The following RIMBP2 variants were observed in gnomAD, a reference collection of about 807,000 sequenced individuals.
The protein encoded by RIMBP2 is RIMS binding protein 2, also known as RIMS-binding protein 2.
Under a neutral mutation model 118.6 loss-of-function variants are expected in RIMBP2, and 48 were observed. The observed-to-expected ratio is 0.40, with a 90% confidence interval of 0.32 to 0.51. The LOEUF (loss-of-function observed/expected upper bound fraction) is 0.51. Ranked by LOEUF, RIMBP2 falls within the 20% of genes least tolerant of loss-of-function variation. RIMBP2 has a pLI of 0.41. For missense variants in RIMBP2, 1,551 were observed against 1,768.3 expected, an observed-to-expected ratio of 0.88 and a Z score of 2.20; for synonymous variants, 762 against 742.9, an observed-to-expected ratio of 1.03 and a Z score of -0.42.
intron 1 of RIMBP2, among the ~76,000 whole-genome samples, chr12:130,689,382 A>C (rs1299583156): frequency 6.6e-6 from 1 of 152,220 alleles, no homozygotes; most frequent in Non-Finnish European, 1.5e-5. Flanking sequence ...ACAGTGAGCC[A>C]AGATCGCTCC....
chr12:130,696,397 T>A (rs1306129890), intron 1 of RIMBP2, among the ~76,000 whole-genome samples: 1 of 152,212 alleles, frequency 6.6e-6, no homozygotes, highest in Non-Finnish European at 1.5e-5. Flanking sequence ...TCCCTCAAGT[T>A]TGATCTAATA....
In RIMBP2 at chr12:130,409,332, C is replaced by CTTTTTTT. The variant is rs35015661; in HGVS notation, c.3590-1510_3590-1504dup. On this transcript the variant is annotated intron_variant, in intron 19 of 22. Transcript: ENST00000690449. Reference sequence around the variant, plus strand: ...TAAAAGGGACTCATACAAAATGTAGCTTTTTTTTTTTTTTTTTTTTTTTTT... The same window carrying CTTTTTTT: ...TAAAAGGGACTCATACAAAATGTAGCTTTTTTTTTTTTTTTTTTTTTTTTTTTTTTTT... 2.1e-4 allele frequency among the ~76,000 whole-genome samples: 14 copies of CTTTTTTT among 65,402 alleles called. 1 individual carries two copies. Among genetic ancestry groups the CTTTTTTT allele is most frequent in the Non-Finnish European group, 2.9e-4 (10 of 34,632 alleles). 42.9% of individuals were successfully genotyped at this position (65,402 alleles called of 152,430 possible). A position where few individuals can be genotyped will look rare whatever the true frequency, so the allele number is the denominator to read the frequency against.
intron 1 of RIMBP2, among the ~76,000 whole-genome samples, chr12:130,685,838 A>T (rs577976282): frequency 1.3e-4 from 20 of 152,242 alleles, no homozygotes; most frequent in Admixed American, 1.2e-3. Context: ...GCCTTCTCAG[A>T]GATGAGCTGA....
chr12:130,613,453 A>G (rs541467983), intron 2 of RIMBP2, among the ~76,000 whole-genome samples: 10 of 152,286 alleles, frequency 6.6e-5, no homozygotes, highest in Admixed American at 3.9e-4. Context: ...ACAGCACAGA[A>G]GGAGGTAGAG....
chr12:130,440,128 C>CCAAGACCATGGGGGGATGATACATGGGG (rs1206126908), intron 11 of RIMBP2, among the ~76,000 whole-genome samples: 1 of 139,090 alleles, frequency 7.2e-6, no homozygotes. Context: ...CTGGCCGTAC[C>CCAAGACCATGGGGGGATGATACATGGGG]TGCACCACCG....
chr12:130,652,977 C>G (rs2063290094), intron 1 of RIMBP2, among the ~76,000 whole-genome samples: 1 of 152,126 alleles, frequency 6.6e-6, no homozygotes, highest in African/African-American at 2.4e-5. Flanking sequence ...CCCACAAGGC[C>G]CCTTCCCAAC....
In RIMBP2 at chr12:130,446,669, C is replaced by A. The variant is rs147825405; in HGVS notation, c.582-1400G>T. 7.7e-3 allele frequency among the ~76,000 whole-genome samples: 1,166 copies of A among 152,282 alleles called. 13 individuals carry two copies. Among genetic ancestry groups the A allele is most frequent in the African/African-American group, 0.026 (1,086 of 41,554 alleles). ...GAGCTCTGGAAGAAGGAATAGCATG[C>A]GCCAAGGCCCAGAGGCAGGGAGGAG... is the stretch of plus-strand genomic sequence containing the variant. On this transcript the variant is annotated intron_variant, in intron 9 of 22. Transcript: ENST00000690449. The surrounding 1 kb of genome is among the most constrained non-coding windows in gnomAD (Gnocchi z 4.1).
In RIMBP2 at chr12:130,628,363, G is replaced by A. The variant is rs2061772932; in HGVS notation, c.-258C>T. On this transcript the variant is annotated 5_prime_UTR_variant, in exon 2 of 23. Transcript: ENST00000690449. ...TGAGTTCCTGGTCTCAGGAGAGGAA[G>A]TGGGAAATTTCCCCAGCGGTCTCCC... 1 of 152,228 alleles carries A rather than the reference G, an allele frequency of 6.6e-6. No homozygotes were observed. The highest frequency in any genetic ancestry group is 2.1e-4 in the South Asian group (1 of 4,824). The allele number at this position is 152,228 out of a possible 1,614,324, so 9.4% of individuals were successfully genotyped here. A position where few individuals can be genotyped will look rare whatever the true frequency, so the allele number is the denominator to read the frequency against.
In RIMBP2 at chr12:130,612,576, G is replaced by C. The variant is rs146720535; in HGVS notation, c.-217+15746C>G. On this transcript the variant is annotated intron_variant, in intron 2 of 22. Coordinates refer to ENST00000690449, the MANE Select transcript of RIMBP2 (RefSeq NM_001393629.1). The stretch of plus-strand genomic sequence containing the variant: ...TAAGAGAGCACATTATGGGAAAATG[G>C]TGTTTTTTAAAATAATTAAAACACC... Among the ~76,000 whole-genome samples the C allele has an allele frequency of 8.3e-4, 127 of 152,304 alleles. No homozygotes were observed. In the Middle Eastern group the frequency reaches 0.027, roughly 33 times the overall value.
Position 130,399,057 on chromosome 12 carries a change from G to T in RIMBP2, c.3900+622C>A, listed in dbSNP as rs1176650428. ...ATGAAGCCTTAAGTCTACCACACTG[G>T]CCCGGTTAAGGTAGCTTAAGTTGGT... On this transcript the variant is annotated intron_variant, in intron 22 of 22. Coordinates refer to ENST00000690449, the MANE Select transcript of RIMBP2 (RefSeq NM_001393629.1). 7.7e-6 allele frequency: 7 copies of T among 909,902 alleles called. No individual in the cohort carries two copies. In the Admixed American group the frequency reaches 1.8e-4, roughly 23 times the overall value. 56.4% of individuals were successfully genotyped at this position (909,902 alleles called of 1,614,324 possible).
rs2077408070 is a variant in RIMBP2, at chr12:130,434,993, A to C, written c.2107-113T>G. On this transcript the variant is annotated intron_variant, in intron 13 of 22. Coordinates refer to ENST00000690449, the MANE Select transcript of RIMBP2 (RefSeq NM_001393629.1). The surrounding 1 kb of genome is among the most constrained non-coding windows in gnomAD (Gnocchi z 5.7). ...CTCAGAGCCTGGCCAGGCACCCCCC[A>C]CACAGTGCTTTGGGCCCAGCTCTGC... 19 of 1,109,212 alleles carry C rather than the reference A, an allele frequency of 1.7e-5. No individual in the cohort carries two copies. The highest frequency in any genetic ancestry group is 5.0e-5 in the Admixed American group (2 of 40,286). The allele number at this position is 1,109,212 out of a possible 1,614,324, so 68.7% of individuals were successfully genotyped here. A position where few individuals can be genotyped will look rare whatever the true frequency, so the allele number is the denominator to read the frequency against.
chr12:130,646,647 T>C (rs530448989), intron 1 of RIMBP2, among the ~76,000 whole-genome samples: 65 of 152,306 alleles, frequency 4.3e-4, no homozygotes, highest in African/African-American at 1.5e-3. Flanking sequence ...GCTTCAAATT[T>C]ACCCCATTGT....
chr12:130,675,537 CCACCCCCA>C (rs1490931779), intron 1 of RIMBP2, among the ~76,000 whole-genome samples: 137 of 594 alleles, frequency 0.23, no homozygotes, highest in African/African-American at 0.3. Context: ...TCCCTTCCGT[CCACCCCCA>C]TGCCTCCAGG....
chr12:130,690,259 G>A (rs967810894), intron 1 of RIMBP2, among the ~76,000 whole-genome samples: 3 of 152,222 alleles, frequency 2.0e-5, no homozygotes, highest in South Asian at 4.1e-4. Context: ...CTGGGGGTGG[G>A]GATCATGGAC....
intron 2 of RIMBP2, among the ~76,000 whole-genome samples, chr12:130,561,126 A>G (rs1293396492): frequency 6.6e-6 from 1 of 152,162 alleles, no homozygotes; most frequent in African/African-American, 2.4e-5. Context: ...AAATCACCAG[A>G]AGACAGGAGA....
chr12:130,455,034 G>A (rs546976734), intron 7 of RIMBP2, among the ~76,000 whole-genome samples: 1 of 152,354 alleles, frequency 6.6e-6, no homozygotes, highest in East Asian at 1.9e-4. Flanking sequence ...GAGCTTCGGT[G>A]GGCACGGTGC....
chr12:130,453,017 A>G (rs925689794), intron 7 of RIMBP2, among the ~76,000 whole-genome samples: 2 of 152,212 alleles, frequency 1.3e-5, no homozygotes, highest in African/African-American at 2.4e-5. Context: ...GCCCCTCGAG[A>G]TGCAAACACC....
chr12:130,549,950 T>C (rs896167824), intron 2 of RIMBP2, among the ~76,000 whole-genome samples: 9 of 151,714 alleles, frequency 5.9e-5, no homozygotes, highest in African/African-American at 2.2e-4. Flanking sequence ...TCTACAATGT[T>C]AAACTAATCT....
intron 1 of RIMBP2, among the ~76,000 whole-genome samples, chr12:130,661,570 G>T (rs2063664191): frequency 6.6e-6 from 1 of 152,176 alleles, no homozygotes; most frequent in Non-Finnish European, 1.5e-5. Context: ...CTAGTGAGGT[G>T]AGCAAATCTG....
Sources: allele counts gnomAD v4.1 joint callset (sites outside exome capture counted in the v4.1 genomes callset), GRCh38; gene constraint gnomAD v4.1.1; non-coding constraint Gnocchi (gnomAD v3.1); transcripts MANE v1.5; gene names NCBI Gene and HGNC (gene_info 2026-07-23, HGNC 2026-07-21).